Variants in ZDHHC11 observed in about 807,000 individuals in gnomAD.
ZDHHC11 encodes palmitoyltransferase ZDHHC11.
In ZDHHC11, 44 loss-of-function variants were observed where a neutral mutation model predicts 51.3. The observed-to-expected ratio is 0.86, with a 90% CI of 0.67 to 1.10. The LOEUF (loss-of-function observed/expected upper bound fraction) is 1.10. Ranked by LOEUF, ZDHHC11 falls within the 50% of genes least tolerant of loss-of-function variation. ZDHHC11 has a pLI of 0.00. For missense variants in ZDHHC11, 400 were observed against 537.7 expected, an observed-to-expected ratio of 0.74 and a Z score of 2.53; for synonymous variants, 163 against 222.0, an observed-to-expected ratio of 0.73 and a Z score of 2.36.
intron 12 of ZDHHC11, among the ~76,000 whole-genome samples, chr5:797,813 T>C (rs1433554170): frequency 2.6e-5 from 4 of 151,262 alleles, no homozygotes; most frequent in African/African-American, 7.3e-5. Context: ...TTGTTTTTCA[T>C]TGAGAATTGC....
At chr5:818,312 C>A (rs550631682) in intron 10 of ZDHHC11, among the ~76,000 whole-genome samples, 1 of 151,622 alleles carries the variant, frequency 6.6e-6, no homozygotes, top group Admixed American at 6.6e-5. Context: ...TGAGTCTGGG[C>A]GGGGCAGGCT....
In ZDHHC11 at chr5:850,682, G is replaced by T; in HGVS notation, c.-80C>A. On this transcript the variant is annotated 5_prime_UTR_variant, in exon 1 of 13. Transcript: ENST00000283441. ...CCGCCCACTGTCACAGAGACCAAGG[G>T]GACTGGGAATGCAGCCGCCAGGACC... The T allele has an allele frequency of 1.3e-6, 2 of 1,547,348 alleles. No individual in the cohort carries two copies. Among genetic ancestry groups the T allele is most frequent in the Non-Finnish European group, 1.8e-6 (2 of 1,138,032 alleles).
chr5:797,858 T>C (rs1345988701), intron 12 of ZDHHC11, among the ~76,000 whole-genome samples: 1 of 150,570 alleles, frequency 6.6e-6, no homozygotes, highest in Non-Finnish European at 1.5e-5. Context: ...TGAGAAATCT[T>C]TGAGGCTTAG....
chr5:810,572 C>T (rs1190598560), intron 11 of ZDHHC11, among the ~76,000 whole-genome samples: 2 of 151,236 alleles, frequency 1.3e-5, no homozygotes, highest in East Asian at 3.9e-4. Context: ...AAACAAAGTC[C>T]CTGATCGCTA....
At chr5:828,232 G>A (rs908309230) in intron 7 of ZDHHC11, among the ~76,000 whole-genome samples, 5 of 151,312 alleles carry the variant, frequency 3.3e-5, no homozygotes, top group South Asian at 2.1e-4. Flanking sequence ...ATCATGGCCC[G>A]TTCTCAGTGA....
intron 11 of ZDHHC11, among the ~76,000 whole-genome samples, chr5:812,393 C>G (rs1368918753): frequency 1.8e-4 from 28 of 151,966 alleles, no homozygotes; most frequent in Admixed American, 1.8e-3. Context: ...ACAATACAAA[C>G]AACTCCATTT....
chr5:806,082 G>A (rs1377652767), intron 11 of ZDHHC11, among the ~76,000 whole-genome samples: 1 of 151,112 alleles, frequency 6.6e-6, no homozygotes, highest in African/African-American at 2.4e-5. Context: ...GAAAGAGTGG[G>A]GTTAGTGATC....
chr5:825,424 G>C (rs1742210701), intron 7 of ZDHHC11, among the ~76,000 whole-genome samples, 173 bp from the exon 8 acceptor site: 1 of 152,082 alleles, frequency 6.6e-6, no homozygotes, highest in African/African-American at 2.4e-5. Flanking sequence ...TGCGTTATGT[G>C]CAGTGGCACA....
At chr5:833,320 C>A (rs1353605098) in intron 7 of ZDHHC11, among the ~76,000 whole-genome samples, 1 of 150,876 alleles carries the variant, frequency 6.6e-6, no homozygotes, top group Non-Finnish European at 1.5e-5. Context: ...CAGCCCTGGC[C>A]CTGTTGGGTG....
At chr5:845,812 C>T (rs1195117566) in intron 3 of ZDHHC11, among the ~76,000 whole-genome samples, 5 of 150,562 alleles carry the variant, frequency 3.3e-5, no homozygotes, top group South Asian at 2.1e-4. Flanking sequence ...GAGCTGAGGG[C>T]GCCCATGACC....
chr5:809,680 C>CCTGCTGTGTGAGGACAACCAGAGG (rs1739843376), intron 11 of ZDHHC11, among the ~76,000 whole-genome samples: 1 of 123,622 alleles, frequency 8.1e-6, no homozygotes, highest in African/African-American at 3.2e-5. Context: ...TGGGACTTCC[C>CCTGCTGTGTGAGGACAACCAGAGG]AGGCTCTGGA....
upstream of ZDHHC11, among the ~76,000 whole-genome samples, chr5:851,309 C>T (rs1409146123): frequency 4.0e-5 from 6 of 149,938 alleles, no homozygotes; most frequent in African/African-American, 1.5e-4. Flanking sequence ...TCTGAACACG[C>T]TGCGGCTGCT....
intron 11 of ZDHHC11, among the ~76,000 whole-genome samples, chr5:806,854 G>A (rs1161051114): frequency 6.6e-6 from 1 of 151,212 alleles, no homozygotes; most frequent in African/African-American, 2.4e-5. Context: ...AATTCCAAGT[G>A]TTGGAGAGGA....
At chr5:812,037 T>C (rs1347094144) in intron 11 of ZDHHC11, among the ~76,000 whole-genome samples, 1 of 141,260 alleles carries the variant, frequency 7.1e-6, no homozygotes, top group Non-Finnish European at 1.5e-5. Flanking sequence ...AACGAGGTGG[T>C]AACCATTACT....
chr5:829,227 CACAA>C (rs1420033690), intron 7 of ZDHHC11, among the ~76,000 whole-genome samples: 1 of 150,422 alleles, frequency 6.6e-6, no homozygotes, highest in East Asian at 1.9e-4. Flanking sequence ...TTTCTGAAAA[CACAA>C]ACAAAATTGA....
chr5:815,730 G>A (rs1740700975), intron 10 of ZDHHC11, among the ~76,000 whole-genome samples: 1 of 151,528 alleles, frequency 6.6e-6, no homozygotes, highest in Non-Finnish European at 1.5e-5. Flanking sequence ...AGCAATGGAT[G>A]AGACTTCCAA....
intron 8 of ZDHHC11, among the ~76,000 whole-genome samples, chr5:824,339 T>C (rs1741991898): frequency 6.6e-6 from 1 of 151,404 alleles, no homozygotes; most frequent in African/African-American, 2.4e-5. Flanking sequence ...CATACGCTTG[T>C]ACTTTCAGCT....
At chr5:824,212 G>A (rs1741968388) in intron 8 of ZDHHC11, 2 of 364,404 alleles carry the variant, frequency 5.5e-6, no homozygotes, top group East Asian at 7.3e-5. Flanking sequence ...TAATCCCTGT[G>A]CTATTAGAGG....
intron 11 of ZDHHC11, among the ~76,000 whole-genome samples, chr5:805,752 T>G (rs1320282080): frequency 6.6e-6 from 1 of 151,162 alleles, no homozygotes; most frequent in African/African-American, 2.4e-5. Flanking sequence ...AGTCAGGGAT[T>G]GGCGGATTGG....
Sources: allele counts gnomAD v4.1 joint callset (sites outside exome capture counted in the v4.1 genomes callset), GRCh38; gene constraint gnomAD v4.1.1; transcripts MANE v1.5; gene names NCBI Gene and HGNC (gene_info 2026-07-23, HGNC 2026-07-21).